POLR2M: variants seen among roughly 807,000 people sequenced by gnomAD.
The protein encoded by POLR2M is protein GRINL1A.
In POLR2M, 30 loss-of-function variants were observed where a neutral mutation model predicts 34.6. The ratio of observed to expected loss-of-function variants is 0.87; its 90% confidence interval spans 0.65 to 1.18. The LOEUF is 1.18. Ranked by LOEUF, POLR2M falls within the 50% of genes most tolerant of loss-of-function variation. POLR2M has a pLI of 0.00. For synonymous variants in POLR2M, 150 were observed against 166.7 expected (o/e 0.90, Z 0.77); for missense variants, 432 against 448.7 (o/e 0.96, Z 0.34).
In POLR2M at chr15:57,712,013, G is replaced by C; in HGVS notation, c.788G>C (p.Ser263Thr). 6.2e-7 allele frequency: 1 copy of C among 1,613,960 alleles called. No individual in the cohort carries two copies. The highest frequency in any genetic ancestry group is 2.2e-5 in the East Asian group (1 of 44,880). ...VLPFRQNDSSSHCQKSGSPIS... is the reference protein window; with the variant it reads ...VLPFRQNDSSTHCQKSGSPIS... Reference sequence around the variant, plus strand: ...CCTTTTCGACAAAATGATTCATCTAGTCATTGCCAGAAGAGTGGGTCTCCT... The same window carrying C: ...CCTTTTCGACAAAATGATTCATCTACTCATTGCCAGAAGAGTGGGTCTCCT... Residue 263 changes from serine to threonine, a missense_variant, in exon 3 of 4, where the codon AGT (serine) becomes ACT (threonine). Transcript: ENST00000299638.
At position 57,708,717 on chromosome 15, in the gene POLR2M, A is replaced by G; in HGVS notation, c.117A>G (p.Lys39=). The G allele has an allele frequency of 6.3e-7, 1 of 1,575,546 alleles. No individual in the cohort carries two copies. ...KRQERLLRNE[K]FICKLPDKGK... ...AGTATTCTTTTCCATTTGACAGAAA[A>G]TTCATTTGCAAATTGCCCGACAAAG... The change falls in exon 2 of 4, where the codon AAA becomes AAG. Residue 39 remains lysine (K), a synonymous_variant. Transcript: ENST00000299638.
At chr15:57,711,379 G>A (rs899887360) in intron 2 of POLR2M, among the ~76,000 whole-genome samples, 5 of 152,146 alleles carry the variant, frequency 3.3e-5, no homozygotes, top group Non-Finnish European at 7.3e-5. Flanking sequence ...AACTTGTTAC[G>A]GAGAACTCTT....
At chr15:57,707,081 A>C in intron 1 of POLR2M, 126 bp downstream of exon 1, 29 of 1,551,240 alleles carry the variant, frequency 1.9e-5, no homozygotes, top group Non-Finnish European at 2.4e-5. Context: ...CATTCGCTTC[A>C]GTCCTACGGG....
intron 3 of POLR2M, among the ~76,000 whole-genome samples, chr15:57,713,080 G>T (rs2040801417): frequency 6.6e-6 from 1 of 151,918 alleles, no homozygotes; most frequent in Non-Finnish European, 1.5e-5. Context: ...TGTGGTTCCA[G>T]CTACCTGTGG....
chr15:57,707,347 G>T (rs1811338429), intron 1 of POLR2M: 3 of 713,054 alleles, frequency 4.2e-6, no homozygotes, highest in Admixed American at 4.1e-5. Flanking sequence ...CGTAGGAAAT[G>T]GGAAGAGTGG....
At chr15:57,710,348 C>T (rs1261574471) in intron 2 of POLR2M, among the ~76,000 whole-genome samples, 1 of 152,190 alleles carries the variant, frequency 6.6e-6, no homozygotes, top group African/African-American at 2.4e-5. Context: ...GTAACTGGTA[C>T]CTTCTTCCTA....
chr15:57,711,367 C>T (rs890396101), intron 2 of POLR2M, among the ~76,000 whole-genome samples: 2 of 152,164 alleles, frequency 1.3e-5, no homozygotes, highest in Admixed American at 6.5e-5. Flanking sequence ...GATGGAAATC[C>T]GAACTTGTTA....
At chr15:57,707,948 A>G (rs2040557768) in intron 1 of POLR2M, among the ~76,000 whole-genome samples, 1 of 152,208 alleles carries the variant, frequency 6.6e-6, no homozygotes, top group South Asian at 2.1e-4. Context: ...TTTTCTTTCC[A>G]TTTATTGTAT....
At chr15:57,714,203 C>A (rs1449724624) in intron 3 of POLR2M, among the ~76,000 whole-genome samples, 1 of 152,136 alleles carries the variant, frequency 6.6e-6, no homozygotes, top group Non-Finnish European at 1.5e-5. Flanking sequence ...AGTGTGTATA[C>A]ATGTGCATGT....
Position 57,715,646 on chromosome 15 carries a change from A to G in POLR2M, c.*967A>G, listed in dbSNP as rs1358275300. ...CTTTTTTCCCCCCAAATAGGTATAT[A>G]TAGACTGCAGAAGCTTCAGTCCCAT... On this transcript the variant is annotated 3_prime_UTR_variant, in exon 4 of 4. Transcript: ENST00000299638. 2.9e-5 allele frequency: 4 copies of G among 140,160 alleles called. No homozygotes were observed. The highest frequency in any genetic ancestry group is 7.4e-5 in the African/African-American group (3 of 40,608). The allele number at this position is 140,160 out of a possible 1,614,324, so 8.7% of individuals were successfully genotyped here.
intron 1 of POLR2M, among the ~76,000 whole-genome samples, chr15:57,708,389 T>C (rs1434087402): frequency 3.3e-5 from 5 of 152,178 alleles, no homozygotes; most frequent in Admixed American, 3.3e-4. Flanking sequence ...CATCCCCAAA[T>C]TTTGGAGATT....
Position 57,716,014 on chromosome 15 carries a change from A to G in POLR2M, c.*1335A>G, listed in dbSNP as rs1281967660. 20 of 152,304 alleles carry G rather than the reference A, an allele frequency of 1.3e-4. No homozygotes were observed. Among genetic ancestry groups the G allele is most frequent in the Non-Finnish European group, 2.6e-4 (18 of 68,060 alleles). 9.4% of individuals were successfully genotyped at this position (152,304 alleles called of 1,614,324 possible). ...AAATGATTTCACAGCGTAAAATTTG[A>G]TGTTATTTCTGGAAGCTGGATGATA... On this transcript the variant is annotated 3_prime_UTR_variant, in exon 4 of 4. Coordinates refer to ENST00000299638, the MANE Select transcript of POLR2M (RefSeq NM_015532.5).
At position 57,716,384 on chromosome 15, in the gene POLR2M, A is replaced by C. The variant is rs1244073139; in HGVS notation, c.*1705A>C. 1 of 152,266 alleles carries C rather than the reference A, an allele frequency of 6.6e-6. No homozygotes were observed. Among genetic ancestry groups the C allele is most frequent in the African/African-American group, 2.4e-5 (1 of 41,476 alleles). The allele number at this position is 152,266 out of a possible 1,614,324, so 9.4% of individuals were successfully genotyped here. A position where few individuals can be genotyped will look rare whatever the true frequency, so the allele number is the denominator to read the frequency against. ...ATTAACATCTTAATCACATCCATAG[A>C]AAATGACTTATTTCCAGAAGATACC... On this transcript the variant is annotated 3_prime_UTR_variant, in exon 4 of 4. Transcript: ENST00000299638.
intron 2 of POLR2M, 72 bp from the exon 3 acceptor site, chr15:57,711,912 T>C: frequency 1.3e-6 from 2 of 1,552,396 alleles, no homozygotes; most frequent in Non-Finnish European, 1.8e-6. Context: ...TAAAGGCCAT[T>C]TGTGTGAATG....
chr15:57,713,431 GT>G (rs72073238), intron 3 of POLR2M, among the ~76,000 whole-genome samples: 42,444 of 150,964 alleles, frequency 0.28, 6,990 homozygotes, highest in East Asian at 0.56. Flanking sequence ...TCTTTAAATT[GT>G]TTTTTTTTAG....
intron 1 of POLR2M, chr15:57,707,620 T>G (rs940822632): frequency 1.1e-5 from 5 of 437,550 alleles, no homozygotes; most frequent in Non-Finnish European, 2.3e-5. Flanking sequence ...TGGACTAATT[T>G]AAATGCAGTT....
chr15:57,706,919 A>G lies in POLR2M; in HGVS notation c.77A>G (p.Glu26Gly). 1 of 1,602,846 alleles carries G rather than the reference A, an allele frequency of 6.2e-7. No homozygotes were observed. The highest frequency in any genetic ancestry group is 2.2e-5 in the East Asian group (1 of 44,506). Residue 26 changes from glutamate to glycine, a missense_variant, in exon 1 of 4, where the codon GAA becomes GGA. Glu to Gly is a moderately conservative substitution (Grantham distance 98, BLOSUM62 -2). Coordinates refer to ENST00000299638, the MANE Select transcript of POLR2M (RefSeq NM_015532.5). ...LAQRSLVELR[E>G]MLKRQERLLR... Reference sequence around the variant, plus strand: ...CAGCGGAGTTTGGTGGAGCTGCGGGAAATGTTGAAGCGCCAGGAGAGACTT... The same window carrying G: ...CAGCGGAGTTTGGTGGAGCTGCGGGGAATGTTGAAGCGCCAGGAGAGACTT...
chr15:57,709,240 A>G lies in POLR2M; in HGVS notation c.640A>G (p.Ser214Gly), dbSNP rs1252759180. 1.9e-6 allele frequency: 3 copies of G among 1,614,242 alleles called. No individual in the cohort carries two copies. Among genetic ancestry groups the G allele is most frequent in the East Asian group, 2.2e-5 (1 of 44,882 alleles). Residue 214 changes from serine to glycine, a missense_variant, in exon 2 of 4, where the codon AGT becomes GGT. By Grantham distance (56) the Ser-to-Gly change is moderately conservative (BLOSUM62 0). Coordinates refer to ENST00000299638, the MANE Select transcript of POLR2M (RefSeq NM_015532.5). ...TGAACAACAGTCAGAAGAAAACGCAAGTACTAAGAACTTGACAGGCCTTTC... is the reference window on the plus strand; with the variant it reads ...TGAACAACAGTCAGAAGAAAACGCAGGTACTAAGAACTTGACAGGCCTTTC... ...QGEQQSEENA[S>G]TKNLTGLSSG...
In POLR2M at chr15:57,706,975, AG is replaced by A; in HGVS notation, c.113+21del. 1 of 1,567,530 alleles carries A rather than the reference AG, an allele frequency of 6.4e-7. No individual in the cohort carries two copies. Among genetic ancestry groups the A allele is most frequent in the Non-Finnish European group, 8.7e-7 (1 of 1,155,734 alleles). ...CAACGAGTAAGCTGGGGTCCCGCGG[AG>A]TCTCCGCCAGGCTCCTTCAGCTCGA... is the stretch of plus-strand genomic sequence containing the variant. On this transcript the variant is annotated intron_variant, in intron 1 of 3. Transcript: ENST00000299638.
Sources: gnomAD v4.1 joint callset for allele counts (sites outside exome capture counted in the v4.1 genomes callset) on GRCh38, gnomAD v4.1.1 for gene constraint, MANE v1.5 for transcripts, NCBI Gene and HGNC (gene_info 2026-07-23, HGNC 2026-07-21) for gene names.